ST8SIA1: variants seen among roughly 807,000 people sequenced by gnomAD.
ST8SIA1 encodes the protein alpha-N-acetylneuraminide alpha-2,8-sialyltransferase.
In ST8SIA1, 16 loss-of-function variants were observed where a neutral mutation model predicts 35.9. The observed-to-expected ratio is 0.45, with a 90% CI of 0.30 to 0.68. The LOEUF is 0.68. ST8SIA1 is among the 30% of genes least tolerant of loss of function. ST8SIA1 has a pLI of 0.09. For missense variants in ST8SIA1, 383 were observed against 453.6 expected, an observed-to-expected ratio of 0.84 and a Z score of 1.41; for synonymous variants, 170 against 169.6, an observed-to-expected ratio of 1.00 and a Z score of -0.02.
At chr12:22,247,760 G>A (rs1289231521) in intron 4 of ST8SIA1, among the ~76,000 whole-genome samples, 1 of 151,606 alleles carries the variant, frequency 6.6e-6, no homozygotes, top group African/African-American at 2.4e-5. Flanking sequence ...ATTTTAAATT[G>A]CAATAGAATA....
Position 22,255,258 on chromosome 12 carries a change from C to T in ST8SIA1, c.491+22G>A, listed in dbSNP as rs373865242. 17 of 1,599,630 alleles carry T rather than the reference C, an allele frequency of 1.1e-5. No individual in the cohort carries two copies. The East Asian group carries it at 2.5e-4, about 23-fold the overall frequency. On this transcript the variant is annotated intron_variant, in intron 3 of 4. Coordinates refer to ENST00000396037, the MANE Select transcript of ST8SIA1 (RefSeq NM_003034.4). ...GGAAAAGGAGAGAAGGCAGAGGCCGCGCTGTGGGTGCTCTCTCTTACCGCA... is the reference window on the plus strand; with the variant it reads ...GGAAAAGGAGAGAAGGCAGAGGCCGTGCTGTGGGTGCTCTCTCTTACCGCA...
chr12:22,210,901 G>A (rs1865169101), intron 4 of ST8SIA1, among the ~76,000 whole-genome samples: 1 of 152,138 alleles, frequency 6.6e-6, no homozygotes, highest in Non-Finnish European at 1.5e-5. Context: ...AACCGTTCCA[G>A]CTGTGTTCAA....
chr12:22,300,889 G>A (rs957348872), intron 1 of ST8SIA1, among the ~76,000 whole-genome samples: 1 of 151,954 alleles, frequency 6.6e-6, no homozygotes, highest in Non-Finnish European at 1.5e-5. Context: ...TGACGTATTT[G>A]GTATAAAAAT....
At chr12:22,310,047 T>C (rs1003624043) in intron 1 of ST8SIA1, among the ~76,000 whole-genome samples, 1 of 152,088 alleles carries the variant, frequency 6.6e-6, no homozygotes, top group Admixed American at 6.6e-5. Context: ...GGCTTGGAGA[T>C]TACACAGCTT....
intron 1 of ST8SIA1, among the ~76,000 whole-genome samples, chr12:22,320,623 T>A (rs1866574962): frequency 6.6e-6 from 1 of 151,910 alleles, no homozygotes; most frequent in Non-Finnish European, 1.5e-5. Context: ...GGCGGGAGGA[T>A]CGCTTCAGCC....
Position 22,200,329 on chromosome 12 carries a change from ACAAATTTTTG to A in ST8SIA1, c.*1213_*1222del, listed in dbSNP as rs2120598520. 1 of 152,348 alleles carries A rather than the reference ACAAATTTTTG, an allele frequency of 6.6e-6. No individual in the cohort carries two copies. The highest frequency in any genetic ancestry group is 2.1e-4 in the South Asian group (1 of 4,830). The allele number at this position is 152,348 out of a possible 1,614,324, so 9.4% of individuals were successfully genotyped here. A position where few individuals can be genotyped will look rare whatever the true frequency, so the allele number is the denominator to read the frequency against. On this transcript the variant is annotated 3_prime_UTR_variant, in exon 5 of 5. Coordinates refer to ENST00000396037, the MANE Select transcript of ST8SIA1 (RefSeq NM_003034.4). ...CATTTGTGATTCTCCAACACTGGTT[ACAAATTTTTG>A]CCATACCAGGTCATATGAGTTCAGC...
chr12:22,304,334 CT>C (rs3063802), intron 1 of ST8SIA1, among the ~76,000 whole-genome samples: 5,232 of 106,162 alleles, frequency 0.049, 242 homozygotes, highest in African/African-American at 0.16. Flanking sequence ...TTTTCTTTTT[CT>C]TTTTTTTTTT....
chr12:22,276,205 G>A (rs1212036878), intron 2 of ST8SIA1, among the ~76,000 whole-genome samples: 1 of 152,044 alleles, frequency 6.6e-6, no homozygotes, highest in Non-Finnish European at 1.5e-5. Flanking sequence ...CATGCACTTT[G>A]ATTTTTTTAG....
At chr12:22,249,660 G>A (rs1263212058) in intron 3 of ST8SIA1, among the ~76,000 whole-genome samples, 1 of 152,180 alleles carries the variant, frequency 6.6e-6, no homozygotes, top group Non-Finnish European at 1.5e-5. Flanking sequence ...GAAAGATAAT[G>A]TCAGCCAAAG....
At chr12:22,306,046 A>G (rs1866379551) in intron 1 of ST8SIA1, among the ~76,000 whole-genome samples, 1 of 152,198 alleles carries the variant, frequency 6.6e-6, no homozygotes, top group South Asian at 2.1e-4. Flanking sequence ...CTTGGAGGTT[A>G]GAAGCAAGAT....
chr12:22,217,320 A>G (rs1414775844), intron 4 of ST8SIA1, among the ~76,000 whole-genome samples: 2 of 152,198 alleles, frequency 1.3e-5, no homozygotes, highest in African/African-American at 2.4e-5. Flanking sequence ...ATTTTGAGAC[A>G]TAATATTAAG....
chr12:22,205,686 G>A (rs1357947794), intron 4 of ST8SIA1, among the ~76,000 whole-genome samples: 1 of 152,066 alleles, frequency 6.6e-6, no homozygotes, highest in Non-Finnish European at 1.5e-5. Context: ...AGGCAGCTGA[G>A]GTGGGAGGAT....
intron 4 of ST8SIA1, among the ~76,000 whole-genome samples, chr12:22,235,614 T>A (rs1237539051): frequency 6.6e-6 from 1 of 152,172 alleles, no homozygotes; most frequent in Non-Finnish European, 1.5e-5. Context: ...ATTGGTAAGA[T>A]AATTAGCCAG....
chr12:22,238,976 T>C (rs1188095816), intron 4 of ST8SIA1, among the ~76,000 whole-genome samples: 2 of 152,180 alleles, frequency 1.3e-5, no homozygotes, highest in Admixed American at 6.5e-5. Context: ...ATTGAAGAAA[T>C]AGATTGCAGA....
rs201703834 is a variant in ST8SIA1, at chr12:22,328,495, TTC to T, written c.236+5500_236+5501del. On this transcript the variant is annotated intron_variant, in intron 1 of 4. Transcript: ENST00000396037. ...CTGTCGCTACCAGTTATTTGTATATTTCTCTGTTTATTTTCTGTCTCTCATCA... is the reference window on the plus strand; with the variant it reads ...CTGTCGCTACCAGTTATTTGTATATTTCTGTTTATTTTCTGTCTCTCATCA... 5.7e-3 allele frequency among the ~76,000 whole-genome samples: 873 copies of T among 152,332 alleles called. 54 individuals are homozygous for T. The South Asian group carries it at 0.13, about 23-fold the overall frequency.
intron 4 of ST8SIA1, among the ~76,000 whole-genome samples, chr12:22,244,568 T>G (rs1217480954): frequency 6.6e-6 from 1 of 152,148 alleles, no homozygotes; most frequent in Non-Finnish European, 1.5e-5. Context: ...GCAATTCTCC[T>G]GCCTCAGCCT....
At chr12:22,322,805 C>T (rs1866619008) in intron 1 of ST8SIA1, among the ~76,000 whole-genome samples, 2 of 152,326 alleles carry the variant, frequency 1.3e-5, no homozygotes, top group Admixed American at 6.5e-5. Flanking sequence ...CACCCTTCAC[C>T]AGGTGGGTAT....
intron 3 of ST8SIA1, 32 bp downstream of exon 3, chr12:22,255,248 G>A: frequency 3.2e-6 from 5 of 1,574,530 alleles, no homozygotes; most frequent in Non-Finnish European, 4.4e-6. Flanking sequence ...AGGAGAGAAG[G>A]CAGAGGCCGC....
intron 4 of ST8SIA1, among the ~76,000 whole-genome samples, chr12:22,210,773 A>G (rs1194374676): frequency 1.3e-5 from 2 of 152,252 alleles, no homozygotes; most frequent in Admixed American, 6.5e-5. Flanking sequence ...GCCTCTTCAC[A>G]TATTTTAGGT....
Sources: gnomAD v4.1 joint callset for allele counts (sites outside exome capture counted in the v4.1 genomes callset) on GRCh38, gnomAD v4.1.1 for gene constraint, MANE v1.5 for transcripts, NCBI Gene and HGNC (gene_info 2026-07-23, HGNC 2026-07-21) for gene names.